Variants in LYPLAL1 observed in about 807,000 individuals in gnomAD.
LYPLAL1 encodes the protein lysophospholipase like 1.
LYPLAL1 carries 23 observed loss-of-function variants against 19.7 expected under a neutral mutation model. The ratio of observed to expected loss-of-function variants is 1.17; its 90% CI spans 0.84 to 1.65. LYPLAL1 has a LOEUF of 1.65. Among genes scored for constraint, LYPLAL1 ranks in the 40% most tolerant of loss-of-function variants. LYPLAL1 has a pLI of 0.00. For missense variants in LYPLAL1, 355 were observed against 279.4 expected (o/e 1.27, Z -1.93); for synonymous variants, 119 against 96.3 (o/e 1.24, Z -1.38).
chr1:219,264,732 C>T, the LYPLAL1 span, among the ~76,000 whole-genome samples: 1 of 152,166 alleles, frequency 6.6e-6, no homozygotes, highest in Non-Finnish European at 1.5e-5. Context: ...CCACTGTTTT[C>T]CTTTGCATTT....
chr1:219,397,542 A>G, the LYPLAL1 span, among the ~76,000 whole-genome samples: 1 of 152,106 alleles, frequency 6.6e-6, no homozygotes. Flanking sequence ...TTGGGGCATT[A>G]GCTTGTTTAC....
chr1:219,210,549 G>A lies in LYPLAL1; in HGVS notation c.379G>A (p.Gly127Arg), dbSNP rs756587897. 6.2e-7 allele frequency: 1 copy of A among 1,602,080 alleles called. No individual in the cohort carries two copies. The highest frequency in any genetic ancestry group is 8.5e-7 in the Non-Finnish European group (1 of 1,172,782). ...RILIGGFSMG[G>R]CMAIHLAYRN... ...GTTTTTAGGAGGATTCTCTATGGGA[G>A]GATGCATGGCAATACATTTAGCATA... The change falls in exon 4 of 5, where the codon GGA (glycine) becomes AGA (arginine). Residue 127 changes from glycine (G) to arginine (R), a missense_variant. Gly to Arg is a moderately radical substitution (Grantham distance 125). Coordinates refer to ENST00000366928, the MANE Select transcript of LYPLAL1 (RefSeq NM_138794.5).
At chr1:219,174,093 G>C in intron 1 of LYPLAL1, 112 bp downstream of exon 1, 1 of 1,512,830 alleles carries the variant, frequency 6.6e-7, no homozygotes, top group South Asian at 1.2e-5. Context: ...GGGCCCAGTG[G>C]GTGGCTCCCC....
chr1:219,377,505 T>C, the LYPLAL1 span, among the ~76,000 whole-genome samples: 1 of 152,156 alleles, frequency 6.6e-6, no homozygotes, highest in South Asian at 2.1e-4. Flanking sequence ...GTTACATTAT[T>C]TATATTTTGT....
At chr1:219,286,037 G>A in the LYPLAL1 span, among the ~76,000 whole-genome samples, 6 of 152,076 alleles carry the variant, frequency 3.9e-5, no homozygotes, top group Non-Finnish European at 8.8e-5. Flanking sequence ...ACAACCAGCC[G>A]CAGTGCATTT....
chr1:219,332,389 T>A, the LYPLAL1 span, among the ~76,000 whole-genome samples: 1 of 152,160 alleles, frequency 6.6e-6, no homozygotes, highest in Non-Finnish European at 1.5e-5. Context: ...CATCTTGCCT[T>A]CTTCAGCCCC....
At chr1:219,430,563 G>A in the LYPLAL1 span, among the ~76,000 whole-genome samples, 1 of 152,192 alleles carries the variant, frequency 6.6e-6, no homozygotes, top group South Asian at 2.1e-4. Context: ...AGTAATGAAT[G>A]AATAGGTAGT....
chr1:219,196,111 A>G (rs1230249629), intron 3 of LYPLAL1, among the ~76,000 whole-genome samples: 1 of 152,072 alleles, frequency 6.6e-6, no homozygotes, highest in African/African-American at 2.4e-5. Context: ...CATGTCTGCT[A>G]TTGTGAATAC....
chr1:219,282,075 G>C, the LYPLAL1 span, among the ~76,000 whole-genome samples: 1 of 152,150 alleles, frequency 6.6e-6, no homozygotes, highest in Non-Finnish European at 1.5e-5. Flanking sequence ...AGAGGACTTA[G>C]ATGAATCAGA....
At chr1:219,295,126 C>G in the LYPLAL1 span, among the ~76,000 whole-genome samples, 4 of 152,212 alleles carry the variant, frequency 2.6e-5, no homozygotes, top group African/African-American at 9.7e-5. Context: ...TGAGTTCACC[C>G]TGGCTCTCCC....
chr1:219,251,129 G>A, the LYPLAL1 span, among the ~76,000 whole-genome samples: 11 of 151,940 alleles, frequency 7.2e-5, no homozygotes, highest in African/African-American at 2.4e-4. Context: ...TTTTAATGGG[G>A]TTGTTTTTCT....
At chr1:219,361,174 G>A in the LYPLAL1 span, among the ~76,000 whole-genome samples, 1 of 152,114 alleles carries the variant, frequency 6.6e-6, no homozygotes, top group African/African-American at 2.4e-5. Flanking sequence ...TTTTGCACAG[G>A]TTAACAGAAC....
the LYPLAL1 span, among the ~76,000 whole-genome samples, chr1:219,229,644 T>A: frequency 3.4e-4 from 52 of 152,352 alleles, no homozygotes; most frequent in African/African-American, 1.2e-3. Context: ...GAGCACACTG[T>A]AATACACGCC....
At chr1:219,287,629 G>A in the LYPLAL1 span, among the ~76,000 whole-genome samples, 6 of 152,322 alleles carry the variant, frequency 3.9e-5, no homozygotes, top group East Asian at 1.9e-4. Context: ...AGTCTCATTC[G>A]TCACTGGGAA....
At chr1:219,290,019 G>C in the LYPLAL1 span, among the ~76,000 whole-genome samples, 5 of 152,178 alleles carry the variant, frequency 3.3e-5, no homozygotes, top group Non-Finnish European at 5.9e-5. Flanking sequence ...AGAGCTGCAG[G>C]TAAGCAGCAA....
chr1:219,174,242 C>T (rs911318604), intron 1 of LYPLAL1: 7 of 1,376,794 alleles, frequency 5.1e-6, no homozygotes, highest in Middle Eastern at 2.8e-4. Context: ...TCAGCCAGCC[C>T]TCCATCCCCA....
At chr1:219,193,021 C>A in intron 2 of LYPLAL1, 61 bp from the exon 3 acceptor site, 7 of 1,439,994 alleles carry the variant, frequency 4.9e-6, no homozygotes, top group South Asian at 1.4e-5. Flanking sequence ...GTAATTAAAG[C>A]ATCCATTTTC....
the LYPLAL1 span, among the ~76,000 whole-genome samples, chr1:219,386,138 C>G: frequency 6.6e-6 from 1 of 152,166 alleles, no homozygotes; most frequent in Non-Finnish European, 1.5e-5. Flanking sequence ...GTGTATTTCT[C>G]TAGCTCAAAT....
chr1:219,387,134 C>A, the LYPLAL1 span, among the ~76,000 whole-genome samples: 1 of 152,158 alleles, frequency 6.6e-6, no homozygotes, highest in African/African-American at 2.4e-5. Context: ...CCCCCACATG[C>A]TCCTCTGTCC....
Sources: gnomAD v4.1 joint callset for allele counts (sites outside exome capture counted in the v4.1 genomes callset) on GRCh38, gnomAD v4.1.1 for gene constraint, MANE v1.5 for transcripts, NCBI Gene and HGNC (gene_info 2026-07-23, HGNC 2026-07-21) for gene names.